Variants in TSPAN18 observed in about 807,000 individuals in gnomAD.
The protein encoded by TSPAN18 is tetraspanin-18.
TSPAN18 carries 14 observed loss-of-function variants against 27.3 expected under a neutral mutation model. The observed-to-expected ratio is 0.51, with a 90% confidence interval of 0.34 to 0.80. The LOEUF is 0.80. Among genes scored for constraint, TSPAN18 ranks in the 30% least tolerant of loss-of-function variants. The pLI, the probability that TSPAN18 is intolerant of heterozygous loss-of-function variation, is 0.01. For synonymous variants in TSPAN18, 143 were observed against 136.5 expected (o/e 1.05, Z -0.33); for missense variants, 268 against 323.9 (o/e 0.83, Z 1.32).
chr11:44,900,649 G>C (rs576753988), intron 3 of TSPAN18, among the ~76,000 whole-genome samples: 63 of 136,322 alleles, frequency 4.6e-4, no homozygotes, highest in African/African-American at 1.7e-3. Flanking sequence ...CAAGCCCTGT[G>C]CTCAGTATTT....
At chr11:44,870,682 G>A (rs1361237107) in intron 3 of TSPAN18, among the ~76,000 whole-genome samples, 1 of 152,150 alleles carries the variant, frequency 6.6e-6, no homozygotes, top group African/African-American at 2.4e-5. Flanking sequence ...TACAGCTCAG[G>A]AAATTGTAGC....
At chr11:44,811,125 A>AACACACACACACACACAC (rs61153202) in intron 2 of TSPAN18, among the ~76,000 whole-genome samples, 19 of 142,570 alleles carry the variant, frequency 1.3e-4, no homozygotes, top group Admixed American at 3.5e-4. Context: ...CTGGAGTTTT[A>AACACACACACACACACAC]ACACACACAC....
intron 2 of TSPAN18, among the ~76,000 whole-genome samples, chr11:44,819,361 G>A (rs1474016050): frequency 9.8e-5 from 15 of 152,294 alleles, no homozygotes; most frequent in African/African-American, 2.9e-4. Flanking sequence ...CAGCAGAAAC[G>A]GCTGCATTTC....
At chr11:44,905,561 T>C (rs1859424440) in intron 3 of TSPAN18, among the ~76,000 whole-genome samples, 1 of 152,230 alleles carries the variant, frequency 6.6e-6, no homozygotes, top group Admixed American at 6.5e-5. Flanking sequence ...AATGTAAACA[T>C]GTCTTGTGCA....
At chr11:44,851,616 C>CCG (rs1554991768) in intron 2 of TSPAN18, among the ~76,000 whole-genome samples, 62 of 127,382 alleles carry the variant, frequency 4.9e-4, no homozygotes, top group Middle Eastern at 3.8e-3. Context: ...CTTGTCACCT[C>CCG]CCCCCCCCAA....
intron 1 of TSPAN18, among the ~76,000 whole-genome samples, chr11:44,752,594 A>G (rs182776750): frequency 1.5e-4 from 23 of 152,298 alleles, no homozygotes; most frequent in African/African-American, 4.6e-4. Context: ...GCACGTGCAC[A>G]TGTATGCATA....
At position 44,874,662 on chromosome 11, in the gene TSPAN18, G is replaced by A. The variant is rs138300994; in HGVS notation, c.-11+14193G>A. 1.3e-3 allele frequency among the ~76,000 whole-genome samples: 197 copies of A among 152,318 alleles called. 3 individuals are homozygous for A. The East Asian group carries it at 0.018, about 14-fold the overall frequency. ...AATGGTGAGATGGGAACCAGCCGGA[G>A]AACTAATTGCATGCTTGGTGCCTGG... On this transcript the variant is annotated intron_variant, in intron 3 of 9. Transcript: ENST00000520358.
chr11:44,891,022 T>A (rs992245440), intron 3 of TSPAN18, among the ~76,000 whole-genome samples: 1 of 151,848 alleles, frequency 6.6e-6, no homozygotes, highest in African/African-American at 2.4e-5. Context: ...AGGGAAAAAA[T>A]TAGCTGCGCA....
intron 3 of TSPAN18, among the ~76,000 whole-genome samples, chr11:44,895,183 A>T (rs1030599006): frequency 6.6e-6 from 1 of 152,188 alleles, no homozygotes; most frequent in Non-Finnish European, 1.5e-5. Flanking sequence ...GGGTCTGTTT[A>T]GGGGAAAGAT....
intron 3 of TSPAN18, among the ~76,000 whole-genome samples, chr11:44,874,629 AAG>A (rs2135244692): frequency 6.6e-6 from 1 of 152,310 alleles, no homozygotes; most frequent in South Asian, 2.1e-4. Flanking sequence ...CCCAGGGAGA[AAG>A]AGGAAAATGG....
intron 1 of TSPAN18, among the ~76,000 whole-genome samples, chr11:44,753,014 T>G (rs78931712): frequency 0.086 from 13,075 of 152,260 alleles, 1,611 homozygotes; most frequent in African/African-American, 0.27. Flanking sequence ...CAGACCTCTC[T>G]TTGCCTTTTG....
intron 2 of TSPAN18, among the ~76,000 whole-genome samples, chr11:44,812,796 G>C (rs1412490333): frequency 6.6e-6 from 1 of 152,190 alleles, no homozygotes; most frequent in Non-Finnish European, 1.5e-5. Context: ...GGTGCCACGG[G>C]CTGCCCTCAG....
chr11:44,801,701 C>T (rs781335281), intron 2 of TSPAN18, among the ~76,000 whole-genome samples: 24 of 152,330 alleles, frequency 1.6e-4, no homozygotes, highest in Middle Eastern at 3.4e-3. Context: ...CTAGCCTTTT[C>T]AAGCCTTTAT....
intron 2 of TSPAN18, among the ~76,000 whole-genome samples, chr11:44,798,556 C>T (rs772226356): frequency 6.6e-6 from 1 of 152,236 alleles, no homozygotes; most frequent in African/African-American, 2.4e-5. Context: ...GGCTAAGCCA[C>T]TCTGGGGGCC....
At chr11:44,867,346 G>A (rs1472668649) in intron 3 of TSPAN18, among the ~76,000 whole-genome samples, 2 of 150,338 alleles carry the variant, frequency 1.3e-5, no homozygotes, top group Non-Finnish European at 3.0e-5. Flanking sequence ...GGTGATGCAC[G>A]CTGGGGAAGG....
intron 2 of TSPAN18, among the ~76,000 whole-genome samples, chr11:44,766,681 G>T (rs1307315931): frequency 6.6e-6 from 1 of 152,214 alleles, no homozygotes; most frequent in Non-Finnish European, 1.5e-5. Flanking sequence ...ATTTAGCCTT[G>T]CCCCTCTTGT....
chr11:44,751,675 T>G (rs1855213416), intron 1 of TSPAN18, among the ~76,000 whole-genome samples: 1 of 152,142 alleles, frequency 6.6e-6, no homozygotes, highest in African/African-American at 2.4e-5. Flanking sequence ...CCCAGCACTT[T>G]GGGAGGCCAA....
At chr11:44,756,381 T>C (rs531297530) in intron 1 of TSPAN18, among the ~76,000 whole-genome samples, 25 of 152,240 alleles carry the variant, frequency 1.6e-4, no homozygotes, top group African/African-American at 5.8e-4. Context: ...CTCCCTTTTT[T>C]TCCCCATTTT....
chr11:44,743,638 T>G (rs1054180512), intron 1 of TSPAN18, among the ~76,000 whole-genome samples: 1 of 152,222 alleles, frequency 6.6e-6, no homozygotes, highest in Non-Finnish European at 1.5e-5. Flanking sequence ...GCTTTCAAGT[T>G]GCCCTTGGGC....
Sources: gnomAD v4.1 joint callset for allele counts (sites outside exome capture counted in the v4.1 genomes callset) on GRCh38, gnomAD v4.1.1 for gene constraint, MANE v1.5 for transcripts, NCBI Gene and HGNC (gene_info 2026-07-23, HGNC 2026-07-21) for gene names.